Variants in TAFA3 observed in about 807,000 individuals in gnomAD.
TAFA3 encodes chemokine-like protein TAFA-3.
In TAFA3, 17 loss-of-function variants were observed where a neutral mutation model predicts 20.7. That is an observed-to-expected ratio of 0.82 (90% CI 0.56 to 1.23). The LOEUF (loss-of-function observed/expected upper bound fraction) is 1.23. TAFA3 is among the 50% of genes most tolerant of loss of function. The probability of loss-of-function intolerance (pLI) is 0.00; values close to 1 mark genes in which losing one functional copy is unlikely to be tolerated. For synonymous variants in TAFA3, 74 were observed against 71.8 expected, an observed-to-expected ratio of 1.03 and a Z score of -0.16; for missense variants, 174 against 172.8, an observed-to-expected ratio of 1.01 and a Z score of -0.04.
At chr1:112,724,420 T>C (rs1018888174) in intron 5 of TAFA3, among the ~76,000 whole-genome samples, 4 of 151,898 alleles carry the variant, frequency 2.6e-5, no homozygotes, top group Non-Finnish European at 5.9e-5. Flanking sequence ...ATATCAGGCC[T>C]ATAAAAACAT....
rs1557788790 is a variant in TAFA3 at position 112,724,136 on chromosome 1, A to G, written c.389A>G (p.Lys130Arg). The change falls in exon 5 of 6, where the codon AAG (lysine) becomes AGG (arginine). Residue 130 changes from lysine to arginine, a missense_variant and splice_region_variant. Physicochemically the swap from Lys to Arg is conservative, Grantham distance 26. Coordinates refer to ENST00000361886, the MANE Select transcript of TAFA3 (RefSeq NM_182759.3). ...CSSGHKVKTT[K>R]VTR ...AGTGGACACAAAGTCAAAACCACCA[A>G]GGTACCCTGGGTGGGCACCTCATCC... 2 of 1,596,812 alleles carry G rather than the reference A, an allele frequency of 1.3e-6. No homozygotes were observed. The highest frequency in any genetic ancestry group is 3.4e-5 in the Admixed American group (2 of 58,856).
In TAFA3 at chr1:112,722,270, G is replaced by T. The variant is rs753703842; in HGVS notation, c.37G>T (p.Gly13Cys). The change falls in exon 3 of 6, where the codon GGC becomes TGC. Residue 13 changes from glycine (G) to cysteine (C), a missense_variant. Physicochemically the swap from Gly to Cys is radical, Grantham distance 159. Coordinates refer to ENST00000361886, the MANE Select transcript of TAFA3 (RefSeq NM_182759.3). The stretch of plus-strand genomic sequence containing the variant: ...GGTCGAGCGGAACTGGAGCACGGGC[G>T]GCTGGCTGCTGGCACTGTGCCTGGC... Reference protein sequence around the residue: ...ERVERNWSTGGWLLALCLAWL... With the variant: ...ERVERNWSTGCWLLALCLAWL... 1 of 1,614,082 alleles carries T rather than the reference G, an allele frequency of 6.2e-7. No homozygotes were observed. Among genetic ancestry groups the T allele is most frequent in the Non-Finnish European group, 8.5e-7 (1 of 1,180,002 alleles).
Position 112,723,067 on chromosome 1 carries a change from A to G in TAFA3, c.167A>G (p.Asn56Ser). The stretch of plus-strand genomic sequence containing the variant: ...GTGATTGCGGCTCACCGCTGCTGCA[A>G]CCGGAACCGCATCGAGGAGCGCTCC... ...CEVIAAHRCC[N>S]RNRIEERSQT... Residue 56 changes from asparagine (N) to serine (S), a missense_variant, in exon 4 of 6, where the codon AAC becomes AGC. Coordinates refer to ENST00000361886, the MANE Select transcript of TAFA3 (RefSeq NM_182759.3). 3 of 1,613,142 alleles carry G rather than the reference A, an allele frequency of 1.9e-6. No homozygotes were observed. Among genetic ancestry groups the G allele is most frequent in the Non-Finnish European group, 2.5e-6 (3 of 1,179,692 alleles).
intron 5 of TAFA3, among the ~76,000 whole-genome samples, chr1:112,725,198 T>C (rs1366526408): frequency 2.0e-5 from 3 of 151,846 alleles, no homozygotes; most frequent in African/African-American, 7.3e-5. Flanking sequence ...GACATAAAGA[T>C]GGGAACAGTG....
chr1:112,726,684 G>A lies in TAFA3; in HGVS notation c.*44G>A, dbSNP rs375303128. The A allele has an allele frequency of 2.4e-5, 38 of 1,613,746 alleles. No homozygotes were observed. The Admixed American group carries it at 2.5e-4, about 11-fold the overall frequency. On this transcript the variant is annotated 3_prime_UTR_variant, in exon 6 of 6. Transcript: ENST00000361886. ...TGGACAAGAAAGGCTTGACTGAGCC[G>A]TGAACTGAAGAATGGTATCCAGTCA...
chr1:112,720,731 C>A (rs2101495097), intron 2 of TAFA3, 97 bp downstream of exon 2: 1 of 152,398 alleles, frequency 6.6e-6, no homozygotes, highest in Middle Eastern at 3.4e-3. Context: ...TTGGTTTGGC[C>A]TCTGGTATTC....
Position 112,722,266 on chromosome 1 carries a change from G to C in TAFA3, c.33G>C (p.Thr11=), listed in dbSNP as rs768447510. The C allele has an allele frequency of 1.9e-6, 3 of 1,614,086 alleles. No individual in the cohort carries two copies. The highest frequency in any genetic ancestry group is 2.5e-6 in the Non-Finnish European group (3 of 1,180,006). Reference sequence around the variant, plus strand: ...AGAGGGTCGAGCGGAACTGGAGCACGGGCGGCTGGCTGCTGGCACTGTGCC... The same window carrying C: ...AGAGGGTCGAGCGGAACTGGAGCACCGGCGGCTGGCTGCTGGCACTGTGCC... MSERVERNWS[T]GGWLLALCLA... Residue 11 remains threonine, a synonymous_variant, in exon 3 of 6, where the codon ACG becomes ACC. Coordinates refer to ENST00000361886, the MANE Select transcript of TAFA3 (RefSeq NM_182759.3).
intron 1 of TAFA3, among the ~76,000 whole-genome samples, chr1:112,719,599 A>G (rs1434233799): frequency 1.3e-5 from 2 of 151,550 alleles, no homozygotes; most frequent in African/African-American, 4.9e-5. Context: ...GAACACCCCC[A>G]CCCCTCTGCT....
At chr1:112,725,393 A>AT (rs1286031851) in intron 5 of TAFA3, among the ~76,000 whole-genome samples, 17 of 117,582 alleles carry the variant, frequency 1.4e-4, no homozygotes, top group East Asian at 9.3e-4. Flanking sequence ...AAGTTGAAAT[A>AT]TTAAAAAAAA....
intron 4 of TAFA3, among the ~76,000 whole-genome samples, chr1:112,723,500 C>G (rs6698236): frequency 0.49 from 75,032 of 151,928 alleles, 18,979 homozygotes; most frequent in African/African-American, 0.59. Flanking sequence ...CTGTCTCAGC[C>G]TACTCTCCTC....
At chr1:112,724,816 CAAAAAAAAA>C in intron 5 of TAFA3, among the ~76,000 whole-genome samples, 2 of 22,654 alleles carry the variant, frequency 8.8e-5, no homozygotes, top group Non-Finnish European at 6.9e-5. Flanking sequence ...ATTAGAGCAG[CAAAAAAAAA>C]AAAAAAAAAA....
intron 3 of TAFA3, 152 bp downstream of exon 3, chr1:112,722,500 C>T (rs921439025): frequency 1.5e-6 from 1 of 672,906 alleles, no homozygotes; most frequent in Admixed American, 2.8e-5. Flanking sequence ...TGCTCTTTAC[C>T]CAGGAATCTC....
Position 112,724,108 on chromosome 1 carries a change from A to G in TAFA3, c.361A>G (p.Ser121Gly), listed in dbSNP as rs760845912. The G allele has an allele frequency of 6.2e-7, 1 of 1,611,248 alleles. No homozygotes were observed. The highest frequency in any genetic ancestry group is 1.1e-5 in the South Asian group (1 of 90,732). The part of the protein sequence containing the change: ...VLPDLSGWSC[S>G]SGHKVKTTKV... The stretch of plus-strand genomic sequence containing the variant: ...CCCGGACCTGTCGGGATGGAGCTGC[A>G]GCAGTGGACACAAAGTCAAAACCAC... The change falls in exon 5 of 6, where the codon AGC (serine) becomes GGC (glycine). Residue 121 changes from serine to glycine, a missense_variant. Coordinates refer to ENST00000361886, the MANE Select transcript of TAFA3 (RefSeq NM_182759.3).
rs58636833 is a variant in TAFA3, at chr1:112,724,717, T to C, written c.390+580T>C. ...AGTTAGTGGGTGCAGCGCACCAGCATGGCACATGTATACATATGTAACTAA... is the reference window on the plus strand; with the variant it reads ...AGTTAGTGGGTGCAGCGCACCAGCACGGCACATGTATACATATGTAACTAA... On this transcript the variant is annotated intron_variant, in intron 5 of 5. Transcript: ENST00000361886. 3.6e-3 allele frequency among the ~76,000 whole-genome samples: 510 copies of C among 139,966 alleles called. 2 individuals are homozygous for C. Among genetic ancestry groups the C allele is most frequent in the African/African-American group, 0.013 (486 of 37,206 alleles). 91.8% of individuals were successfully genotyped at this position (139,966 alleles called of 152,430 possible).
rs1675481889 is a variant in TAFA3, at chr1:112,726,801, T to C, written c.*161T>C. Reference sequence around the variant, plus strand: ...CATTTCAGTTAAGCTGCTCAGCAGATATGGATGGATCTGCAATCACATACC... The same window carrying C: ...CATTTCAGTTAAGCTGCTCAGCAGACATGGATGGATCTGCAATCACATACC... On this transcript the variant is annotated 3_prime_UTR_variant, in exon 6 of 6. Transcript: ENST00000361886. 9.2e-7 allele frequency: 1 copy of C among 1,083,306 alleles called. No individual in the cohort carries two copies. Among genetic ancestry groups the C allele is most frequent in the African/African-American group, 1.5e-5 (1 of 64,662 alleles). The allele number at this position is 1,083,306 out of a possible 1,614,324, so 67.1% of individuals were successfully genotyped here.
intron 2 of TAFA3, 28 bp from the exon 3 acceptor site, chr1:112,722,205 T>C (rs2101496842): frequency 6.2e-7 from 1 of 1,609,834 alleles, no homozygotes; most frequent in Non-Finnish European, 8.5e-7. Flanking sequence ...TGCCTGGAGC[T>C]GAGCAGAATG....
chr1:112,721,559 C>T (rs2101496049), intron 2 of TAFA3, among the ~76,000 whole-genome samples: 1 of 152,346 alleles, frequency 6.6e-6, no homozygotes. Context: ...AGTGATCCTC[C>T]TGCCTTGGCC....
rs77485100 is a variant in TAFA3 at position 112,721,319 on chromosome 1, C to T, written c.-2+685C>T. ...CAACATAGATAATCCTTCCTTTATA[C>T]ACATTTTATTTTATTTATTTTTGAG... On this transcript the variant is annotated intron_variant, in intron 2 of 5. Coordinates refer to ENST00000361886, the MANE Select transcript of TAFA3 (RefSeq NM_182759.3). Among the ~76,000 whole-genome samples the T allele has an allele frequency of 6.2e-3, 938 of 152,206 alleles. 8 individuals carry two copies. Among genetic ancestry groups the T allele is most frequent in the African/African-American group, 0.022 (903 of 41,508 alleles).
intron 5 of TAFA3, among the ~76,000 whole-genome samples, chr1:112,725,211 C>T (rs1367343770): frequency 6.6e-6 from 1 of 151,952 alleles, no homozygotes; most frequent in African/African-American, 2.4e-5. Flanking sequence ...GAACAGTGGA[C>T]GATGGTGACT....
Sources: allele counts gnomAD v4.1 joint callset (sites outside exome capture counted in the v4.1 genomes callset), GRCh38; gene constraint gnomAD v4.1.1; transcripts MANE v1.5; gene names NCBI Gene and HGNC (gene_info 2026-07-23, HGNC 2026-07-21).